LRMDA: variants seen among roughly 807,000 people sequenced by gnomAD.
The protein encoded by LRMDA is leucine-rich melanocyte differentiation-associated protein.
A neutral mutation model predicts 29.8 loss-of-function variants in LRMDA; 18 were observed. That is an observed-to-expected ratio of 0.60 (90% CI 0.42 to 0.90). The LOEUF (loss-of-function observed/expected upper bound fraction) is 0.90, where lower values mean the gene tolerates loss of function less well. Among genes scored for constraint, LRMDA ranks in the 40% least tolerant of loss-of-function variants. The pLI is 0.00. For missense variants in LRMDA, 273 were observed against 273.9 expected (o/e 1.00, Z 0.02); for synonymous variants, 125 against 109.4 (o/e 1.14, Z -0.89).
At chr10:75,871,117 C>T (rs963638460) in intron 2 of LRMDA, among the ~76,000 whole-genome samples, 2 of 152,206 alleles carry the variant, frequency 1.3e-5, no homozygotes, top group Non-Finnish European at 2.9e-5. Context: ...ACCATTTCCC[C>T]TAGCTGTTCC....
intron 2 of LRMDA, among the ~76,000 whole-genome samples, chr10:76,006,522 T>G (rs532751235): frequency 6.6e-6 from 1 of 152,284 alleles, no homozygotes; most frequent in South Asian, 2.1e-4. Flanking sequence ...CTCAGCCCTC[T>G]GCAGAGCGAA....
chr10:76,198,568 T>G (rs1851372682), intron 5 of LRMDA, among the ~76,000 whole-genome samples: 1 of 152,192 alleles, frequency 6.6e-6, no homozygotes, highest in South Asian at 2.1e-4. Flanking sequence ...CTGAGCAGTG[T>G]TTATAACTTA....
intron 2 of LRMDA, among the ~76,000 whole-genome samples, chr10:75,925,625 T>TGGTAATGGTGGCAGTGGTGGTG (rs1846108343): frequency 6.6e-6 from 1 of 151,738 alleles, no homozygotes; most frequent in Non-Finnish European, 1.5e-5. Flanking sequence ...GCAGTGGTGG[T>TGGTAATGGTGGCAGTGGTGGTG]GGTAATGGTG....
At chr10:75,770,218 G>A (rs1313455892) in intron 2 of LRMDA, among the ~76,000 whole-genome samples, 6 of 151,450 alleles carry the variant, frequency 4.0e-5, no homozygotes, top group African/African-American at 1.5e-4. Flanking sequence ...TTGTGCCTGG[G>A]AGTTTGAGGT....
chr10:75,587,686 A>T (rs1198388593), intron 2 of LRMDA, among the ~76,000 whole-genome samples: 1 of 152,242 alleles, frequency 6.6e-6, no homozygotes, highest in Non-Finnish European at 1.5e-5. Flanking sequence ...AAGAATCTAG[A>T]ATCAGTAACT....
chr10:76,239,893 A>G (rs1852238744), intron 5 of LRMDA, among the ~76,000 whole-genome samples: 1 of 151,966 alleles, frequency 6.6e-6, no homozygotes, highest in South Asian at 2.1e-4. Context: ...TGATTGTGCT[A>G]ATCATTACAT....
chr10:75,507,288 C>T (rs1281827716), intron 2 of LRMDA, among the ~76,000 whole-genome samples: 2 of 152,074 alleles, frequency 1.3e-5, no homozygotes, highest in African/African-American at 4.8e-5. Flanking sequence ...TGGGGGCGAC[C>T]CTGGAGTGTC....
intron 6 of LRMDA, among the ~76,000 whole-genome samples, chr10:76,488,325 T>C (rs978673220): frequency 6.6e-6 from 1 of 151,966 alleles, no homozygotes; most frequent in African/African-American, 2.4e-5. Context: ...TGAAATTCCT[T>C]ACTCCTTCCC....
intron 2 of LRMDA, among the ~76,000 whole-genome samples, chr10:75,725,780 T>C (rs558538430): frequency 6.6e-6 from 1 of 152,354 alleles, no homozygotes; most frequent in Non-Finnish European, 1.5e-5. Flanking sequence ...AATAATCATT[T>C]CCAAGGACTG....
intron 2 of LRMDA, among the ~76,000 whole-genome samples, chr10:75,736,494 G>C (rs1055642485): frequency 5.3e-5 from 8 of 152,194 alleles, no homozygotes; most frequent in Non-Finnish European, 8.8e-5. Context: ...GCTCGGTACA[G>C]AGGCTTGATT....
chr10:76,098,800 C>G lies in LRMDA; in HGVS notation c.516+40017C>G, dbSNP rs74599225. On this transcript the variant is annotated intron_variant, in intron 5 of 6. Coordinates refer to ENST00000611255, the MANE Select transcript of LRMDA (RefSeq NM_001305581.2). ...TTTATTATTACTCCAATCAGTCTCT[C>G]CAAGCATTTAGGAATCAGAGTGTTT... Among the ~76,000 whole-genome samples the G allele has an allele frequency of 2.0e-3, 297 of 152,224 alleles. 4 individuals carry two copies. The highest frequency in any genetic ancestry group is 7.0e-3 in the African/African-American group (290 of 41,546).
At chr10:75,445,915 A>G (rs950674046) in intron 2 of LRMDA, among the ~76,000 whole-genome samples, 3 of 152,262 alleles carry the variant, frequency 2.0e-5, no homozygotes, top group Non-Finnish European at 2.9e-5. Context: ...GGGCTGGAGA[A>G]TTGCTTAGCA....
At chr10:75,701,495 G>T (rs971038569) in intron 2 of LRMDA, among the ~76,000 whole-genome samples, 6 of 152,152 alleles carry the variant, frequency 3.9e-5, no homozygotes, top group Non-Finnish European at 7.4e-5. Flanking sequence ...TAAGCTACCT[G>T]GATTTGGAAG....
In LRMDA at chr10:75,431,677, G is replaced by GCCGCGCCC. The variant is rs1027918221; in HGVS notation, c.-41_-34dup. On this transcript the variant is annotated 5_prime_UTR_variant, in exon 1 of 7. Coordinates refer to ENST00000611255, the MANE Select transcript of LRMDA (RefSeq NM_001305581.2). ...CCCTGCCGCGCTCCCCGCTGCTGCC[G>GCCGCGCCC]CCGCGCCCCCGCGCTCCGTCCCGCG... The GCCGCGCCC allele has an allele frequency of 7.9e-6, 10 of 1,261,064 alleles. No homozygotes were observed. In the African/African-American group the frequency reaches 1.1e-4, roughly 14 times the overall value. 78.1% of individuals were successfully genotyped at this position (1,261,064 alleles called of 1,614,324 possible).
intron 2 of LRMDA, among the ~76,000 whole-genome samples, chr10:75,445,879 A>AT (rs1387279990): frequency 1.3e-5 from 2 of 152,244 alleles, no homozygotes; most frequent in Non-Finnish European, 2.9e-5. Context: ...GCTGCATCTT[A>AT]TTTTGCATCA....
chr10:76,119,322 G>T (rs569115079), intron 5 of LRMDA, among the ~76,000 whole-genome samples: 227 of 152,186 alleles, frequency 1.5e-3, no homozygotes, highest in African/African-American at 5.0e-3. Context: ...AGCATAGATT[G>T]CTTCTGCTGC....
chr10:76,440,599 C>G (rs1172955161), intron 6 of LRMDA, among the ~76,000 whole-genome samples: 1 of 152,016 alleles, frequency 6.6e-6, no homozygotes, highest in Non-Finnish European at 1.5e-5. Flanking sequence ...ATTTCAGATC[C>G]CTTTCACTCT....
chr10:76,342,697 C>T (rs1841056219), intron 6 of LRMDA, among the ~76,000 whole-genome samples: 1 of 151,748 alleles, frequency 6.6e-6, no homozygotes, highest in Admixed American at 6.6e-5. Context: ...CTAAAATAAT[C>T]CTAAGAAGAA....
At chr10:76,169,019 GA>G (rs1162177625) in intron 5 of LRMDA, among the ~76,000 whole-genome samples, 1 of 152,108 alleles carries the variant, frequency 6.6e-6, no homozygotes, top group African/African-American at 2.4e-5. Context: ...TTCTAGGAGG[GA>G]AAAAGATAAT....
Sources: gnomAD v4.1 joint callset for allele counts (sites outside exome capture counted in the v4.1 genomes callset) on GRCh38, gnomAD v4.1.1 for gene constraint, MANE v1.5 for transcripts, NCBI Gene and HGNC (gene_info 2026-07-23, HGNC 2026-07-21) for gene names.